Variants in CYP4F3 observed in about 807,000 individuals in gnomAD.
CYP4F3 encodes cytochrome P450 family 4 subfamily F member 3.
In CYP4F3, 50 loss-of-function variants were observed where a neutral mutation model predicts 54.8. The ratio of observed to expected loss-of-function variants is 0.91; its 90% confidence interval spans 0.73 to 1.16. The LOEUF (loss-of-function observed/expected upper bound fraction) is 1.16. Among genes scored for constraint, CYP4F3 ranks in the 50% most tolerant of loss-of-function variants. The pLI, the probability that CYP4F3 is intolerant of heterozygous loss-of-function variation, is 0.00. For synonymous variants in CYP4F3, 244 were observed against 262.6 expected (o/e 0.93, Z 0.69); for missense variants, 715 against 676.2 (o/e 1.06, Z -0.64).
intron 6 of CYP4F3, among the ~76,000 whole-genome samples, 155 bp from the exon 7 acceptor site, chr19:15,649,758 G>A (rs1201292741): frequency 6.6e-6 from 1 of 152,072 alleles, no homozygotes; most frequent in Non-Finnish European, 1.5e-5. Flanking sequence ...CTGGAGAGTC[G>A]ATTTCATGCT....
At chr19:15,650,776 G>GTTCTTTCTTTCTTTCTTTCTTCTTTCT (rs1555742532) in intron 7 of CYP4F3, among the ~76,000 whole-genome samples, 3 of 25,742 alleles carry the variant, frequency 1.2e-4, no homozygotes, top group South Asian at 2.4e-3. Flanking sequence ...TTTTTCTTTC[G>GTTCTTTCTTTCTTTCTTTCTTCTTTCT]TTCTTTCTTT....
chr19:15,652,863 C>G lies in CYP4F3; in HGVS notation c.1026C>G (p.Tyr342Ter). 6.2e-7 allele frequency: 1 copy of G among 1,613,844 alleles called. No individual in the cohort carries two copies. The highest frequency in any genetic ancestry group is 1.7e-5 in the Admixed American group (1 of 59,990). ...TTASGLSWVL[Y>*]HLAKHPEYQE... ...CCAGTGGTCTCTCCTGGGTCCTGTA[C>G]CACCTTGCAAAGCACCCGGAATACC... The change falls in exon 9 of 13, where the codon TAC becomes TAG. Residue 342 changes from tyrosine (Y) to a stop codon, truncating the protein, a stop_gained. Coordinates refer to ENST00000221307, the MANE Select transcript of CYP4F3 (RefSeq NM_000896.3). LOFTEE classifies it high-confidence loss of function.
At chr19:15,649,130 T>A (rs1242984758) in intron 5 of CYP4F3, 30 bp from the exon 6 acceptor site, 1 of 1,612,018 alleles carries the variant, frequency 6.2e-7, no homozygotes, top group Non-Finnish European at 8.5e-7. Flanking sequence ...GCAAGGGACC[T>A]GCCCCAGCTC....
chr19:15,658,280 C>T lies in CYP4F3; in HGVS notation c.1132C>T (p.Leu378=). Residue 378 remains leucine (L), a synonymous_variant, in exon 10 of 13, where the codon CTG becomes TTG. Coordinates refer to ENST00000221307, the MANE Select transcript of CYP4F3 (RefSeq NM_000896.3). ...TTTCCTTAGGGACGACCTGGCCCAG[C>T]TGCCCTTCCTGACCATGTGCATTAA... The part of the protein sequence containing the change: ...KEIEWDDLAQ[L]PFLTMCIKES... 2.5e-6 allele frequency: 4 copies of T among 1,614,072 alleles called. No individual in the cohort carries two copies. The highest frequency in any genetic ancestry group is 3.4e-6 in the Non-Finnish European group (4 of 1,179,964).
chr19:15,659,411 C>T lies in CYP4F3; in HGVS notation c.*26C>T. ...GTTCTGCAGAGACCCACTCTGACCCCACTAAAATGACCCCTGATTCATCAA... is the reference window on the plus strand; with the variant it reads ...GTTCTGCAGAGACCCACTCTGACCCTACTAAAATGACCCCTGATTCATCAA... On this transcript the variant is annotated 3_prime_UTR_variant, in exon 13 of 13. Coordinates refer to ENST00000221307, the MANE Select transcript of CYP4F3 (RefSeq NM_000896.3). 2 of 1,603,756 alleles carry T rather than the reference C, an allele frequency of 1.2e-6. No homozygotes were observed. Among genetic ancestry groups the T allele is most frequent in the Non-Finnish European group, 1.7e-6 (2 of 1,174,916 alleles).
At position 15,645,819 on chromosome 19, in the gene CYP4F3, G is replaced by C; in HGVS notation, c.299G>C (p.Arg100Pro). The C allele has an allele frequency of 6.2e-7, 1 of 1,613,658 alleles. No individual in the cohort carries two copies. The highest frequency in any genetic ancestry group is 8.5e-7 in the Non-Finnish European group (1 of 1,179,738). ...GTGGGGCCCTGGCACGCAATCGTCCGCATCTTCCACCCCACCTACATCAAG... is the reference window on the plus strand; with the variant it reads ...GTGGGGCCCTGGCACGCAATCGTCCCCATCTTCCACCCCACCTACATCAAG... ...WWVGPWHAIV[R>P]IFHPTYIKPV... The change falls in exon 3 of 13, where the codon CGC (arginine) becomes CCC (proline). Residue 100 changes from arginine to proline, a missense_variant. Transcript: ENST00000221307.
At position 15,661,293 on chromosome 19, in the gene CYP4F3, C is replaced by CAAAA. The variant is rs1240242073; in HGVS notation, c.*1909_*1912dup. 4.8e-5 allele frequency: 7 copies of CAAAA among 145,272 alleles called. No homozygotes were observed. Among genetic ancestry groups the CAAAA allele is most frequent in the African/African-American group, 1.8e-4 (7 of 39,516 alleles). 9.0% of individuals were successfully genotyped at this position (145,272 alleles called of 1,614,324 possible). A position where few individuals can be genotyped will look rare whatever the true frequency, so the allele number is the denominator to read the frequency against. On this transcript the variant is annotated 3_prime_UTR_variant, in exon 13 of 13. Transcript: ENST00000221307. The stretch of plus-strand genomic sequence containing the variant: ...AAAAACAAAACAAAACAAAACAAAA[C>CAAAA]AAAACAAAAACAAAACAAAACAAAA...
intron 6 of CYP4F3, among the ~76,000 whole-genome samples, chr19:15,649,655 G>A (rs1474735324): frequency 2.0e-5 from 3 of 152,098 alleles, no homozygotes; most frequent in South Asian, 2.1e-4. Flanking sequence ...GAGGGAGAGA[G>A]GGAATAGGAG....
Position 15,661,161 on chromosome 19 carries a change from C to T in CYP4F3, c.*1776C>T, listed in dbSNP as rs7255510. On this transcript the variant is annotated 3_prime_UTR_variant, in exon 13 of 13. Coordinates refer to ENST00000221307, the MANE Select transcript of CYP4F3 (RefSeq NM_000896.3). ...CCTGTAATCCCAGCTACTCGGGAGG[C>T]TGATGCGGGAGAATCACTTGAAACC... is the stretch of plus-strand genomic sequence containing the variant. 85,996 of 151,352 alleles carry T rather than the reference C, an allele frequency of 0.57. 24,663 individuals carry two copies. Among genetic ancestry groups the T allele is most frequent in the East Asian group, 0.7 (3,578 of 5,080 alleles). 9.4% of individuals were successfully genotyped at this position (151,352 alleles called of 1,614,324 possible).
intron 3 of CYP4F3, among the ~76,000 whole-genome samples, chr19:15,646,618 T>A (rs2280750): frequency 0.46 from 69,888 of 151,932 alleles, 17,384 homozygotes; most frequent in East Asian, 0.68. Flanking sequence ...ATGTCAGGAC[T>A]TGTGAACACA....
intron 7 of CYP4F3, among the ~76,000 whole-genome samples, chr19:15,650,780 T>TTTCTTTCTTTCTTTC (rs1555742537): frequency 0.014 from 513 of 36,586 alleles, 80 homozygotes; most frequent in African/African-American, 0.043. Context: ...TCTTTCGTTC[T>TTTCTTTCTTTCTTTC]TTCTTTCTTT....
chr19:15,659,458 T>G lies in CYP4F3; in HGVS notation c.*73T>G, dbSNP rs1973134550. Reference sequence around the variant, plus strand: ...TCAAAAGTGAGGCCTAGAATTACCCTAAGACCCTGTTCCACAGTCCTGTAT... The same window carrying G: ...TCAAAAGTGAGGCCTAGAATTACCCGAAGACCCTGTTCCACAGTCCTGTAT... On this transcript the variant is annotated 3_prime_UTR_variant, in exon 13 of 13. Transcript: ENST00000221307. 5.1e-6 allele frequency: 8 copies of G among 1,561,286 alleles called. No individual in the cohort carries two copies. Among genetic ancestry groups the G allele is most frequent in the Non-Finnish European group, 6.9e-6 (8 of 1,152,674 alleles).
chr19:15,645,343 AT>A (rs1208236106), intron 2 of CYP4F3, among the ~76,000 whole-genome samples: 1 of 152,144 alleles, frequency 6.6e-6, no homozygotes, highest in Non-Finnish European at 1.5e-5. Flanking sequence ...AAGAAGTTTG[AT>A]GGTTAAGGAA....
At chr19:15,656,764 CT>C (rs1568402640) in intron 9 of CYP4F3, among the ~76,000 whole-genome samples, 10,432 of 102,466 alleles carry the variant, frequency 0.1, 395 homozygotes, top group African/African-American at 0.13. Flanking sequence ...ATCTATCTAT[CT>C]ATCATCCATC....
At chr19:15,646,475 C>T (rs1599884258) in intron 3 of CYP4F3, among the ~76,000 whole-genome samples, 3 of 152,070 alleles carry the variant, frequency 2.0e-5, no homozygotes, top group South Asian at 2.1e-4. Flanking sequence ...ATGTCTGGGT[C>T]GTTAAAGGTA....
chr19:15,641,489 T>C lies in CYP4F3; in HGVS notation c.74T>C (p.Val25Ala), dbSNP rs750207804. The C allele has an allele frequency of 1.5e-5, 24 of 1,614,206 alleles. No individual in the cohort carries two copies. The highest frequency in any genetic ancestry group is 3.3e-4 in the Middle Eastern group (2 of 6,062). Residue 25 changes from valine (V) to alanine (A), a missense_variant, in exon 2 of 13, where the codon GTT becomes GCT. Physicochemically the swap from Val to Ala is moderately conservative, Grantham distance 64 (BLOSUM62 0). Transcript: ENST00000221307. ...AASPWLLLLL[V>A]GASWLLARIL... is the part of the protein sequence containing the mutation. The stretch of plus-strand genomic sequence containing the variant: ...TCCCCGTGGCTGCTCCTGCTGCTGG[T>C]TGGGGCCTCCTGGCTCCTGGCCCGC...
chr19:15,652,670 T>C, intron 8 of CYP4F3, 35 bp downstream of exon 8: 1 of 1,614,034 alleles, frequency 6.2e-7, no homozygotes, highest in Non-Finnish European at 8.5e-7. Context: ...AGTGGGGACT[T>C]GGATATCTCC....
rs1035187795 is a variant in CYP4F3 at position 15,659,527 on chromosome 19, A to G, written c.*142A>G. ...TCAAAATAATTGAGACAAGTGTTCAAACAGAAAGACGCTTGTGCGTGAATG... is the reference window on the plus strand; with the variant it reads ...TCAAAATAATTGAGACAAGTGTTCAGACAGAAAGACGCTTGTGCGTGAATG... On this transcript the variant is annotated 3_prime_UTR_variant, in exon 13 of 13. Coordinates refer to ENST00000221307, the MANE Select transcript of CYP4F3 (RefSeq NM_000896.3). 6.8e-6 allele frequency: 8 copies of G among 1,172,758 alleles called. No individual in the cohort carries two copies. The highest frequency in any genetic ancestry group is 4.8e-5 in the African/African-American group (3 of 62,004). 72.6% of individuals were successfully genotyped at this position (1,172,758 alleles called of 1,614,324 possible).
At position 15,659,607 on chromosome 19, in the gene CYP4F3, T is replaced by C. The variant is rs1173349588; in HGVS notation, c.*222T>C. On this transcript the variant is annotated 3_prime_UTR_variant, in exon 13 of 13. Transcript: ENST00000221307. ...ACGATGAAAACAACCCCAAGCTATA[T>C]ATTACCAGATGAAAGGATAAACAAA... The C allele has an allele frequency of 1.4e-6, 1 of 732,640 alleles. No individual in the cohort carries two copies. Among genetic ancestry groups the C allele is most frequent in the Non-Finnish European group, 2.1e-6 (1 of 467,186 alleles). The allele number at this position is 732,640 out of a possible 1,614,324, so 45.4% of individuals were successfully genotyped here.
Sources: allele counts gnomAD v4.1 joint callset (sites outside exome capture counted in the v4.1 genomes callset), GRCh38; gene constraint gnomAD v4.1.1; transcripts MANE v1.5; gene names NCBI Gene and HGNC (gene_info 2026-07-23, HGNC 2026-07-21).